CD8A: variants seen among roughly 807,000 people sequenced by gnomAD.
CD8A encodes the protein CD8 subunit alpha, also known as T-cell surface glycoprotein CD8 alpha chain.
Under a neutral mutation model 24.2 loss-of-function variants are expected in CD8A, and 25 were observed. The ratio of observed to expected loss-of-function variants is 1.03; its 90% CI spans 0.75 to 1.44. The LOEUF is 1.44. Ranked by LOEUF, CD8A falls within the 40% of genes most tolerant of loss-of-function variation. The pLI is 0.00. For missense variants in CD8A, 360 were observed against 319.7 expected (o/e 1.13, Z -0.96); for synonymous variants, 165 against 149.9 (o/e 1.10, Z -0.74).
chr2:86,791,430 A>T, upstream of CD8A: 1 of 437,512 alleles, frequency 2.3e-6, no homozygotes, highest in Non-Finnish European at 4.6e-6. Flanking sequence ...TGAGAGCGGC[A>T]GCAGCCGAAG....
intron 3 of CD8A, among the ~76,000 whole-genome samples, chr2:86,798,507 A>G (rs1673555757): frequency 6.7e-6 from 1 of 149,814 alleles, no homozygotes; most frequent in Non-Finnish European, 1.5e-5. Flanking sequence ...TCCCGTTTGC[A>G]TAATGTATCT....
intron 4 of CD8A, 59 bp downstream of exon 4, chr2:86,789,264 G>T: frequency 8.9e-7 from 1 of 1,128,750 alleles, no homozygotes; most frequent in Non-Finnish European, 1.4e-6. Flanking sequence ...CCTGGAGCTA[G>T]CAGAGCCAAG....
At position 86,784,678 on chromosome 2, in the gene CD8A, C is replaced by T; in HGVS notation, c.*1242G>A. Reference sequence around the variant, plus strand: ...TAAAGCCACTCATAACAGCATAGTACAACCCTATTTAAAAAAGAAAGACAT... The same window carrying T: ...TAAAGCCACTCATAACAGCATAGTATAACCCTATTTAAAAAAGAAAGACAT... On this transcript the variant is annotated 3_prime_UTR_variant, in exon 6 of 6. Transcript: ENST00000283635. 1 of 444,298 alleles carries T rather than the reference C, an allele frequency of 2.3e-6. No individual in the cohort carries two copies. The highest frequency in any genetic ancestry group is 4.5e-6 in the Non-Finnish European group (1 of 221,850). 27.5% of individuals were successfully genotyped at this position (444,298 alleles called of 1,614,324 possible). A position where few individuals can be genotyped will look rare whatever the true frequency, so the allele number is the denominator to read the frequency against.
chr2:86,800,335 G>A (rs1414506024), intron 3 of CD8A, among the ~76,000 whole-genome samples: 4 of 151,032 alleles, frequency 2.6e-5, no homozygotes, highest in African/African-American at 4.9e-5. Flanking sequence ...GGTGGCAAGC[G>A]CCTGTAATCC....
chr2:86,789,806 A>C (rs10199863), intron 2 of CD8A, 56 bp from the exon 3 acceptor site: 32 of 807,916 alleles, frequency 4.0e-5, no homozygotes, highest in Admixed American at 9.1e-5. Context: ...GAGGCGCCCC[A>C]GCCCCGGCCT....
At chr2:86,804,282 G>GA (rs1673770247) in intron 2 of CD8A, among the ~76,000 whole-genome samples, 1 of 152,136 alleles carries the variant, frequency 6.6e-6, no homozygotes, top group Non-Finnish European at 1.5e-5. Flanking sequence ...CCACAATATG[G>GA]ATGAATCTTG....
Position 86,788,562 on chromosome 2 carries a change from T to C in CD8A, c.626-2A>G. ...ATTTGCAAACACGTCTTCGGTTCCC[T>C]GGATAAGGAAAAAGAAGGGAAAAAG... On this transcript the variant is annotated splice_acceptor_variant, in intron 4 of 5. Transcript: ENST00000283635. LOFTEE classifies it high-confidence loss of function. The C allele has an allele frequency of 6.2e-7, 1 of 1,612,894 alleles. No individual in the cohort carries two copies. Among genetic ancestry groups the C allele is most frequent in the Non-Finnish European group, 8.5e-7 (1 of 1,179,192 alleles).
At position 86,790,777 on chromosome 2, in the gene CD8A, G is replaced by T. The variant is rs868233441; in HGVS notation, c.49C>A (p.His17Asn). The change falls in exon 1 of 6, where the codon CAC (histidine) becomes AAC (asparagine). Residue 17 changes from histidine to asparagine, a missense_variant and splice_region_variant. By Grantham distance (68) the His-to-Asn change is moderately conservative. Coordinates refer to ENST00000283635, the MANE Select transcript of CD8A (RefSeq NM_001768.7). ...GCCTTCCCGGGCGTCTCAAACTCACGGAGCAGCAAGGCCAGCGGCAGGAGC... is the reference window on the plus strand; with the variant it reads ...GCCTTCCCGGGCGTCTCAAACTCACTGAGCAGCAAGGCCAGCGGCAGGAGC... ...ALLLPLALLL[H>N]AARPSQFRVS... The T allele has an allele frequency of 2.8e-6, 4 of 1,416,488 alleles. No homozygotes were observed. The highest frequency in any genetic ancestry group is 2.4e-5 in the South Asian group (2 of 82,236). The allele number at this position is 1,416,488 out of a possible 1,614,324, so 87.7% of individuals were successfully genotyped here. A position where few individuals can be genotyped will look rare whatever the true frequency, so the allele number is the denominator to read the frequency against.
rs1245493182 is a variant in CD8A, at chr2:86,785,464, G to A, written c.*456C>T. The A allele has an allele frequency of 2.2e-6, 1 of 456,554 alleles. No individual in the cohort carries two copies. The highest frequency in any genetic ancestry group is 6.9e-5 in the East Asian group (1 of 14,496). 28.3% of individuals were successfully genotyped at this position (456,554 alleles called of 1,614,324 possible). On this transcript the variant is annotated 3_prime_UTR_variant, in exon 6 of 6. Transcript: ENST00000283635. ...GGCCTCGGAAAGAAAGACCTGAATGGTGTGGAGGAAAGAGCCCTGAGCTGG... is the reference window on the plus strand; with the variant it reads ...GGCCTCGGAAAGAAAGACCTGAATGATGTGGAGGAAAGAGCCCTGAGCTGG...
In CD8A at chr2:86,805,451, TGGA is replaced by T. The variant is rs112260293; in HGVS notation, c.-418+1993_-418+1995del. On this transcript the variant is annotated intron_variant, in intron 2 of 8. Transcript: ENST00000409511. ...TTCCAGTCCACACTCACACCAGCTG[TGGA>T]GGAGTTTTCATTTACCCACGAGCTT... Among the ~76,000 whole-genome samples the T allele has an allele frequency of 1.1e-4, 16 of 152,326 alleles. 2 individuals are homozygous for T. The highest frequency in any genetic ancestry group is 3.6e-4 in the African/African-American group (15 of 41,588).
chr2:86,802,035 ATATT>A (rs1673690092), intron 2 of CD8A, among the ~76,000 whole-genome samples: 1 of 151,958 alleles, frequency 6.6e-6, no homozygotes, highest in Non-Finnish European at 1.5e-5. Context: ...GGTTACTTTT[ATATT>A]TATTTATTTA....
At chr2:86,791,232 T>C (rs1573462970), upstream of CD8A, 1 of 395,022 alleles carries the variant, frequency 2.5e-6, no homozygotes, top group South Asian at 2.1e-5. Flanking sequence ...AGGAGGGGAG[T>C]GTCCCTTCCT....
chr2:86,789,837 G>T, intron 2 of CD8A, 87 bp from the exon 3 acceptor site: 2 of 762,002 alleles, frequency 2.6e-6, no homozygotes, highest in Non-Finnish European at 3.7e-6. Flanking sequence ...TCCCCACGGG[G>T]ACGCCTCCCC....
rs140972259 is a variant in CD8A, at chr2:86,784,755, C to T, written c.*1165G>A. ...TCAGGAAGAATGTACACCATATTAA[C>T]AGGAGATTATTCCTAAGGTGAAGAA... On this transcript the variant is annotated 3_prime_UTR_variant, in exon 6 of 6. Transcript: ENST00000283635. The T allele has an allele frequency of 4.4e-5, 20 of 454,102 alleles. No homozygotes were observed. The highest frequency in any genetic ancestry group is 3.8e-4 in the African/African-American group (19 of 50,132). The allele number at this position is 454,102 out of a possible 1,614,324, so 28.1% of individuals were successfully genotyped here.
intron 5 of CD8A, among the ~76,000 whole-genome samples, chr2:86,788,009 A>G (rs1014677149): frequency 6.6e-6 from 1 of 150,950 alleles, no homozygotes; most frequent in Admixed American, 6.6e-5. Context: ...CCTTTTTTCT[A>G]CTCCAGTCCT....
In CD8A at chr2:86,785,593, A is replaced by C; in HGVS notation, c.*327T>G. 1 of 553,456 alleles carries C rather than the reference A, an allele frequency of 1.8e-6. No individual in the cohort carries two copies. Among genetic ancestry groups the C allele is most frequent in the East Asian group, 4.3e-5 (1 of 23,272 alleles). The allele number at this position is 553,456 out of a possible 1,614,324, so 34.3% of individuals were successfully genotyped here. On this transcript the variant is annotated 3_prime_UTR_variant, in exon 6 of 6. Coordinates refer to ENST00000283635, the MANE Select transcript of CD8A (RefSeq NM_001768.7). ...TCCCCCTTTGTAAAACGGGCGGGGA[A>C]GAGGTTGAGATGGCATGGGTGCCTC... is the stretch of plus-strand genomic sequence containing the variant.
chr2:86,797,427 C>G (rs1451455459), intron 3 of CD8A, among the ~76,000 whole-genome samples: 1 of 152,074 alleles, frequency 6.6e-6, no homozygotes, highest in African/African-American at 2.4e-5. Flanking sequence ...GAGGTTTGGG[C>G]TATAAGAGAA....
chr2:86,798,562 G>T (rs1327948406), intron 3 of CD8A, among the ~76,000 whole-genome samples: 2 of 149,040 alleles, frequency 1.3e-5, no homozygotes, highest in Non-Finnish European at 3.0e-5. Flanking sequence ...TAGCTCTGTT[G>T]CCCAGGCTGC....
intron 2 of CD8A, among the ~76,000 whole-genome samples, chr2:86,803,147 G>T (rs1202153959): frequency 2.0e-5 from 3 of 152,140 alleles, no homozygotes; most frequent in Non-Finnish European, 4.4e-5. Flanking sequence ...AGTGAGTAAA[G>T]AAGTACATTC....
Sources: allele counts gnomAD v4.1 joint callset (sites outside exome capture counted in the v4.1 genomes callset), GRCh38; gene constraint gnomAD v4.1.1; transcripts MANE v1.5; gene names NCBI Gene and HGNC (gene_info 2026-07-23, HGNC 2026-07-21).